Variants in ABTB2 observed in about 807,000 individuals in gnomAD.
ABTB2 encodes the protein ankyrin repeat and BTB/POZ domain-containing protein 2.
Under a neutral mutation model 104.1 loss-of-function variants are expected in ABTB2, and 56 were observed. That is an observed-to-expected ratio of 0.54 (90% CI 0.43 to 0.67). The LOEUF is 0.67. Ranked by LOEUF, ABTB2 falls within the 30% of genes least tolerant of loss-of-function variation. The pLI is 0.00. For synonymous variants in ABTB2, 606 were observed against 608.2 expected (o/e 1.00, Z 0.05); for missense variants, 1,279 against 1,407.7 (o/e 0.91, Z 1.46).
intron 3 of ABTB2, among the ~76,000 whole-genome samples, chr11:34,175,945 C>A (rs1852955340): frequency 6.6e-6 from 1 of 152,200 alleles, no homozygotes; most frequent in Non-Finnish European, 1.5e-5. Flanking sequence ...TCCAATGCCA[C>A]CTGCTTCAGA....
chr11:34,328,870 A>C (rs1193320378), intron 1 of ABTB2, among the ~76,000 whole-genome samples: 3 of 152,232 alleles, frequency 2.0e-5, no homozygotes, highest in Non-Finnish European at 4.4e-5. Context: ...TTGCATCTAC[A>C]GCTGATTAAA....
intron 1 of ABTB2, among the ~76,000 whole-genome samples, chr11:34,306,345 C>T (rs1023723018): frequency 7.3e-6 from 1 of 136,934 alleles, no homozygotes; most frequent in African/African-American, 2.7e-5. Context: ...TTCCCAGGTT[C>T]CAGGGATTCT....
At chr11:34,219,595 C>G (rs1040574306) in intron 1 of ABTB2, among the ~76,000 whole-genome samples, 4 of 152,146 alleles carry the variant, frequency 2.6e-5, no homozygotes. Context: ...GATGTTGTAG[C>G]CAACATAAGA....
intron 3 of ABTB2, among the ~76,000 whole-genome samples, chr11:34,185,528 C>A (rs1406670781): frequency 6.6e-6 from 1 of 151,868 alleles, no homozygotes; most frequent in Non-Finnish European, 1.5e-5. Context: ...AGTCACCCTG[C>A]GAGGGAGATA....
chr11:34,236,216 T>A lies in ABTB2; in HGVS notation c.884-31526A>T, dbSNP rs138788532. Reference sequence around the variant, plus strand: ...AAGTATTAAAATAGAGTTTTTTCCCTGGAAAGAAGAGGTCATTTGGAACAG... The same window carrying A: ...AAGTATTAAAATAGAGTTTTTTCCCAGGAAAGAAGAGGTCATTTGGAACAG... On this transcript the variant is annotated intron_variant, in intron 1 of 16. Transcript: ENST00000435224. Among the ~76,000 whole-genome samples, 384 of 152,212 alleles carry A rather than the reference T, an allele frequency of 2.5e-3. 2 individuals carry two copies. The highest frequency in any genetic ancestry group is 0.014 in the Middle Eastern group (4 of 294).
At chr11:34,336,295 G>T (rs1200703291) in intron 1 of ABTB2, among the ~76,000 whole-genome samples, 2 of 151,966 alleles carry the variant, frequency 1.3e-5, no homozygotes, top group Non-Finnish European at 2.9e-5. Context: ...ACACCATAAG[G>T]CAGGTACTAC....
chr11:34,159,358 C>A lies in ABTB2; in HGVS notation c.2635G>T (p.Glu879Ter). The change falls in exon 14 of 17, where the codon GAA becomes TAA. Residue 879 changes from glutamate to a stop codon, truncating the protein, a stop_gained. Transcript: ENST00000435224. LOFTEE classifies it high-confidence loss of function. ...RFKTLMTNKS[E>*]QDGDSSKTIE... ...GTCTTGCTGCTGTCCCCATCCTGTTCTGATTTATTGGTCATTAGTGTCTTG... is the reference window on the plus strand; with the variant it reads ...GTCTTGCTGCTGTCCCCATCCTGTTATGATTTATTGGTCATTAGTGTCTTG... 1 of 1,613,936 alleles carries A rather than the reference C, an allele frequency of 6.2e-7. No individual in the cohort carries two copies. Among genetic ancestry groups the A allele is most frequent in the East Asian group, 2.2e-5 (1 of 44,886 alleles).
intron 1 of ABTB2, among the ~76,000 whole-genome samples, chr11:34,294,973 CAA>C (rs1264100864): frequency 6.6e-6 from 1 of 151,544 alleles, no homozygotes; most frequent in Non-Finnish European, 1.5e-5. Context: ...CTCACCCTCC[CAA>C]AGTGTTGGGA....
intron 1 of ABTB2, among the ~76,000 whole-genome samples, chr11:34,286,057 C>T (rs1854500891): frequency 1.3e-5 from 2 of 152,018 alleles, no homozygotes; most frequent in Admixed American, 6.6e-5. Context: ...CGCCTGTAGT[C>T]TCAGCTACTT....
intron 2 of ABTB2, among the ~76,000 whole-genome samples, chr11:34,200,138 C>T: frequency 6.6e-6 from 1 of 152,182 alleles, no homozygotes; most frequent in East Asian, 1.9e-4. Context: ...CCCGTTTCTC[C>T]AGGTCTAAAT....
chr11:34,168,360 G>C (rs955154487), intron 5 of ABTB2, among the ~76,000 whole-genome samples: 1 of 152,216 alleles, frequency 6.6e-6, no homozygotes, highest in African/African-American at 2.4e-5. Context: ...CTCCCTCAAA[G>C]GGTTGTTGTA....
chr11:34,199,390 A>G (rs1290286893), intron 2 of ABTB2, among the ~76,000 whole-genome samples: 1 of 152,168 alleles, frequency 6.6e-6, no homozygotes, highest in Non-Finnish European at 1.5e-5. Flanking sequence ...GACAAACCCT[A>G]GGGCCAAGAG....
At chr11:34,192,950 C>T (rs1175316329) in intron 3 of ABTB2, among the ~76,000 whole-genome samples, 2 of 152,234 alleles carry the variant, frequency 1.3e-5, no homozygotes, top group Non-Finnish European at 1.5e-5. Context: ...CTCTTGCCTT[C>T]CTACGTGTCT....
rs373600930 is a variant in ABTB2, at chr11:34,329,721, C to A, written c.883+26980G>T. Among the ~76,000 whole-genome samples the A allele has an allele frequency of 1.5e-3, 227 of 152,294 alleles. 2 individuals are homozygous for A. Among genetic ancestry groups the A allele is most frequent in the African/African-American group, 5.3e-3 (220 of 41,540 alleles). The stretch of plus-strand genomic sequence containing the variant: ...AATGGAGCCAACCCAGGAGCAGAAT[C>A]CAGAAGCAAGAGTAAGCAAAAGAAA... On this transcript the variant is annotated intron_variant, in intron 1 of 16. Transcript: ENST00000435224.
At chr11:34,272,726 A>C (rs1396661789) in intron 1 of ABTB2, among the ~76,000 whole-genome samples, 6 of 150,434 alleles carry the variant, frequency 4.0e-5, no homozygotes, top group Admixed American at 1.3e-4. Context: ...AAAAAAAAAA[A>C]AAAAACCAAC....
Position 34,159,316 on chromosome 11 carries a change from T to C in ABTB2, c.2677A>G (p.Met893Val). The change falls in exon 14 of 17, where the codon ATG becomes GTG. Residue 893 changes from methionine (M) to valine (V), a missense_variant. Coordinates refer to ENST00000435224, the MANE Select transcript of ABTB2 (RefSeq NM_145804.3). ...DSSKTIEISD[M>V]KYHIFQMMMQ... ...CACACCTGAAAAATGTGGTACTTCATGTCGCTGATCTCGATGGTCTTGCTG... is the reference window on the plus strand; with the variant it reads ...CACACCTGAAAAATGTGGTACTTCACGTCGCTGATCTCGATGGTCTTGCTG... 1 of 1,613,928 alleles carries C rather than the reference T, an allele frequency of 6.2e-7. No individual in the cohort carries two copies. The highest frequency in any genetic ancestry group is 8.5e-7 in the Non-Finnish European group (1 of 1,179,848).
chr11:34,246,251 G>T (rs1853981729), intron 1 of ABTB2, among the ~76,000 whole-genome samples: 1 of 152,138 alleles, frequency 6.6e-6, no homozygotes. Flanking sequence ...ATTGGCCAAG[G>T]TTGGATAGGT....
At chr11:34,307,010 A>G (rs1339288455) in intron 1 of ABTB2, among the ~76,000 whole-genome samples, 1 of 151,514 alleles carries the variant, frequency 6.6e-6, no homozygotes, top group African/African-American at 2.4e-5. Flanking sequence ...AAAAAGAAAG[A>G]AAAAAAGCAG....
chr11:34,209,510 C>G (rs1174399519), intron 1 of ABTB2, among the ~76,000 whole-genome samples: 1 of 120,212 alleles, frequency 8.3e-6, no homozygotes, highest in African/African-American at 3.3e-5. Flanking sequence ...CCTCGCTTCT[C>G]TAAGCTACTT....
Sources: allele counts gnomAD v4.1 joint callset (sites outside exome capture counted in the v4.1 genomes callset), GRCh38; gene constraint gnomAD v4.1.1; transcripts MANE v1.5; gene names NCBI Gene and HGNC (gene_info 2026-07-23, HGNC 2026-07-21).